DHRS7: variants seen among roughly 807,000 people sequenced by gnomAD.
The protein encoded by DHRS7 is dehydrogenase/reductase SDR family member 7.
In DHRS7, 34 loss-of-function variants were observed where a neutral mutation model predicts 38.9. The ratio of observed to expected loss-of-function variants is 0.87; its 90% CI spans 0.66 to 1.16. DHRS7 has a LOEUF of 1.16. Ranked by LOEUF, DHRS7 falls within the 50% of genes most tolerant of loss-of-function variation. The pLI, the probability that DHRS7 is intolerant of heterozygous loss-of-function variation, is 0.00. For missense variants in DHRS7, 421 were observed against 407.0 expected, an observed-to-expected ratio of 1.03 and a Z score of -0.30; for synonymous variants, 158 against 153.1, an observed-to-expected ratio of 1.03 and a Z score of -0.24.
At chr14:60,164,183 T>A (rs1896820017) in intron 1 of DHRS7, among the ~76,000 whole-genome samples, 2 of 148,938 alleles carry the variant, frequency 1.3e-5, no homozygotes, top group South Asian at 4.3e-4. Flanking sequence ...ACCAGATTTT[T>A]TTTTTTTTTT....
upstream of DHRS7, chr14:60,168,887 G>T (rs966247331): frequency 9.1e-7 from 1 of 1,095,746 alleles, no homozygotes; most frequent in Non-Finnish European, 1.2e-6. Context: ...AGAACACTTA[G>T]GCATTGAAAG....
At chr14:60,157,747 T>C (rs1896686681) in intron 1 of DHRS7, among the ~76,000 whole-genome samples, 1 of 137,530 alleles carries the variant, frequency 7.3e-6, no homozygotes, top group East Asian at 2.1e-4. Flanking sequence ...GCTCCATAAA[T>C]AACTACTGAA....
Position 60,150,081 on chromosome 14 carries a change from G to T in DHRS7, c.740C>A (p.Ala247Asp), listed in dbSNP as rs753972625. ...AATTTTTACCTTTGTGACTTCTCCA[G>T]CTAGGGAATTCTCCACAATATTTGA... ...VQSNIVENSL[A>D]GEVTKTIGNN... Residue 247 changes from alanine to aspartate, a missense_variant, in exon 5 of 7, where the codon GCT becomes GAT. Physicochemically the swap from Ala to Asp is moderately radical, Grantham distance 126. Coordinates refer to ENST00000557185, the MANE Select transcript of DHRS7 (RefSeq NM_016029.4). 5.6e-6 allele frequency: 9 copies of T among 1,597,458 alleles called. No individual in the cohort carries two copies. Among genetic ancestry groups the T allele is most frequent in the Non-Finnish European group, 7.7e-6 (9 of 1,175,914 alleles).
intron 1 of DHRS7, among the ~76,000 whole-genome samples, chr14:60,156,609 C>A (rs560123480): frequency 4.6e-5 from 7 of 152,186 alleles, no homozygotes; most frequent in Non-Finnish European, 1.0e-4. Context: ...GTTTTTAATT[C>A]TATTATTCTA....
At position 60,153,048 on chromosome 14, in the gene DHRS7, G is replaced by A; in HGVS notation, c.524C>T (p.Pro175Leu). ...TCCTTGCTTCCTCTCGATCATGTGAGGCAGAACACATTTTGTCAAGGACAC... is the reference window on the plus strand; with the variant it reads ...TCCTTGCTTCCTCTCGATCATGTGAAGCAGAACACATTTTGTCAAGGACAC... ...GTVSLTKCVL[P>L]HMIERKQGKI... Residue 175 changes from proline to leucine, a missense_variant, in exon 4 of 7, where the codon CCT (proline) becomes CTT (leucine). Pro to Leu is a moderately conservative substitution (Grantham distance 98, BLOSUM62 -3). Transcript: ENST00000557185. The surrounding 1 kb of genome is among the most constrained non-coding windows in gnomAD (Gnocchi z 4.4). The A allele has an allele frequency of 6.2e-7, 1 of 1,614,178 alleles. No individual in the cohort carries two copies. Among genetic ancestry groups the A allele is most frequent in the Admixed American group, 1.7e-5 (1 of 59,984 alleles).
rs2140611767 is a variant in DHRS7, at chr14:60,161,111, TC to T, written c.133+4065del. ...CAGAATTTTTTGTAAACTCAACTCC[TC>T]TGTTTACAGAGTTTTAGTCACTTTT... On this transcript the variant is annotated intron_variant, in intron 1 of 6. Transcript: ENST00000557185. The surrounding 1 kb of genome is among the most constrained non-coding windows in gnomAD (Gnocchi z 4.2). 6.6e-6 allele frequency among the ~76,000 whole-genome samples: 1 copy of T among 152,348 alleles called. No individual in the cohort carries two copies. The highest frequency in any genetic ancestry group is 1.9e-4 in the East Asian group (1 of 5,194).
chr14:60,154,227 A>G (rs755693069), intron 2 of DHRS7, among the ~76,000 whole-genome samples, 162 bp from the exon 3 acceptor site: 2 of 151,894 alleles, frequency 1.3e-5, no homozygotes, highest in Non-Finnish European at 2.9e-5. Flanking sequence ...ACTAGTGGTT[A>G]TATCAGACAA....
At position 60,153,186 on chromosome 14, in the gene DHRS7, A is replaced by G. The variant is rs749627593; in HGVS notation, c.394-8T>C. ...GTTGACCAGAATGTCGATCTAGTTAAATAAAATCAGAAAAGGGGTGTTTGG... is the reference window on the plus strand; with the variant it reads ...GTTGACCAGAATGTCGATCTAGTTAGATAAAATCAGAAAAGGGGTGTTTGG... On this transcript the variant is annotated splice_region_variant and splice_polypyrimidine_tract_variant and intron_variant, in intron 3 of 6. Coordinates refer to ENST00000557185, the MANE Select transcript of DHRS7 (RefSeq NM_016029.4). This position sits in a 1 kb window ranked among gnomAD's most constrained non-coding sequence, Gnocchi z 4.4. 2 of 1,613,864 alleles carry G rather than the reference A, an allele frequency of 1.2e-6. No homozygotes were observed. The highest frequency in any genetic ancestry group is 2.7e-5 in the African/African-American group (2 of 74,920).
At chr14:60,150,235 C>CACATATCT (rs1896515213) in intron 4 of DHRS7, 48 bp from the exon 5 acceptor site, 1 of 1,415,688 alleles carries the variant, frequency 7.1e-7, no homozygotes, top group Non-Finnish European at 9.4e-7. Flanking sequence ...TAAATACAGA[C>CACATATCT]ACATATCTCA....
At chr14:60,168,888 G>T, upstream of DHRS7, 1 of 1,095,290 alleles carries the variant, frequency 9.1e-7, no homozygotes, top group Non-Finnish European at 1.2e-6. Context: ...GAACACTTAG[G>T]CATTGAAAGT....
chr14:60,155,900 C>T (rs1036036882), intron 2 of DHRS7, 100 bp downstream of exon 2: 56 of 1,213,444 alleles, frequency 4.6e-5, no homozygotes, highest in African/African-American at 1.6e-4. Flanking sequence ...CATTTGGAGC[C>T]GGGGGGAAAT....
In DHRS7 at chr14:60,145,312, A is replaced by G. The variant is rs185332823; in HGVS notation, c.973-299T>C. The G allele has an allele frequency of 5.3e-3, 1,161 of 217,192 alleles. 10 individuals are homozygous for G. Among genetic ancestry groups the G allele is most frequent in the African/African-American group, 0.024 (1,071 of 43,746 alleles). 13.5% of individuals were successfully genotyped at this position (217,192 alleles called of 1,614,324 possible). A position where few individuals can be genotyped will look rare whatever the true frequency, so the allele number is the denominator to read the frequency against. ...TTCTGGATCAGCATATCATACCTACACTGACTTGCCCTAATAAATAAAAAC... is the reference window on the plus strand; with the variant it reads ...TTCTGGATCAGCATATCATACCTACGCTGACTTGCCCTAATAAATAAAAAC... On this transcript the variant is annotated intron_variant, in intron 6 of 6. Coordinates refer to ENST00000557185, the MANE Select transcript of DHRS7 (RefSeq NM_016029.4). The surrounding 1 kb of genome is among the most constrained non-coding windows in gnomAD (Gnocchi z 4.0).
At position 60,161,553 on chromosome 14, in the gene DHRS7, C is replaced by T. The variant is rs1896764842; in HGVS notation, c.133+3624G>A. Among the ~76,000 whole-genome samples, 1 of 152,168 alleles carries T rather than the reference C, an allele frequency of 6.6e-6. No individual in the cohort carries two copies. The highest frequency in any genetic ancestry group is 1.5e-5 in the Non-Finnish European group (1 of 68,030). On this transcript the variant is annotated intron_variant, in intron 1 of 6. Transcript: ENST00000557185. The surrounding 1 kb of genome is among the most constrained non-coding windows in gnomAD (Gnocchi z 4.2). The stretch of plus-strand genomic sequence containing the variant: ...CTTCTCTAAGGCTAAATAAACCTAT[C>T]CAATTTCTGCCACCTTCCCTCACAT...
chr14:60,151,750 T>C (rs1166707499), intron 4 of DHRS7, among the ~76,000 whole-genome samples: 1 of 152,202 alleles, frequency 6.6e-6, no homozygotes, highest in Non-Finnish European at 1.5e-5. Flanking sequence ...GAGAAGGAAA[T>C]GTGCTCTTCA....
At chr14:60,156,911 A>G (rs1467690420) in intron 1 of DHRS7, among the ~76,000 whole-genome samples, 4 of 152,244 alleles carry the variant, frequency 2.6e-5, no homozygotes, top group Admixed American at 6.5e-5. Flanking sequence ...TACTAAAGCA[A>G]TGACAAATGG....
At chr14:60,155,006 G>A (rs1245106307) in intron 2 of DHRS7, among the ~76,000 whole-genome samples, 1 of 152,122 alleles carries the variant, frequency 6.6e-6, no homozygotes, top group Non-Finnish European at 1.5e-5. Flanking sequence ...TGGTTAGCTC[G>A]ATCAGCAAAG....
intron 6 of DHRS7, 67 bp downstream of exon 6, chr14:60,149,286 C>T: frequency 4.6e-6 from 7 of 1,517,018 alleles, no homozygotes; most frequent in Non-Finnish European, 6.4e-6. Flanking sequence ...TTTTTAAACA[C>T]TGGAAAATTC....
chr14:60,167,854 A>C (rs754688466), upstream of DHRS7, among the ~76,000 whole-genome samples: 5 of 152,350 alleles, frequency 3.3e-5, no homozygotes, highest in Non-Finnish European at 7.4e-5. Context: ...CCAGGGTGTC[A>C]TCAGAGTGCT....
intron 1 of DHRS7, 134 bp from the exon 2 acceptor site, chr14:60,156,286 G>T: frequency 3.1e-6 from 2 of 649,766 alleles, no homozygotes; most frequent in Non-Finnish European, 4.4e-6. Flanking sequence ...GTTAAAATTT[G>T]AAATATTCTA....
Sources: gnomAD v4.1 joint callset for allele counts (sites outside exome capture counted in the v4.1 genomes callset) on GRCh38, gnomAD v4.1.1 for gene constraint, Gnocchi (gnomAD v3.1) non-coding constraint, MANE v1.5 for transcripts, NCBI Gene and HGNC (gene_info 2026-07-23, HGNC 2026-07-21) for gene names.